Variants in LMO7 observed in about 807,000 individuals in gnomAD.
LMO7 encodes the protein LIM domain only protein 7.
In LMO7, 120 loss-of-function variants were observed where a neutral mutation model predicts 206.5. That is an observed-to-expected ratio of 0.58 (90% CI 0.50 to 0.68). The LOEUF (loss-of-function observed/expected upper bound fraction) is 0.68. LMO7 is among the 30% of genes least tolerant of loss of function. The pLI is 0.00. For synonymous variants in LMO7, 706 were observed against 681.5 expected (o/e 1.04, Z -0.56); for missense variants, 1,959 against 1,957.9 (o/e 1.00, Z -0.01).
intron 6 of LMO7, among the ~76,000 whole-genome samples, chr13:75,797,846 T>TA (rs1312262147): frequency 1.3e-5 from 2 of 152,190 alleles, no homozygotes; most frequent in Non-Finnish European, 2.9e-5. Flanking sequence ...TTGAATAAGT[T>TA]AATTCAGGAA....
chr13:75,803,539 C>T (rs2055051196), intron 7 of LMO7, among the ~76,000 whole-genome samples: 2 of 152,182 alleles, frequency 1.3e-5, no homozygotes, highest in African/African-American at 4.8e-5. Context: ...TAGATTCATT[C>T]TTCTTCTTTT....
In LMO7 at chr13:75,858,289, T is replaced by C. The variant is rs570583409; in HGVS notation, c.*346T>C. The C allele has an allele frequency of 2.0e-3, 457 of 226,692 alleles. 4 individuals are homozygous for C. The highest frequency in any genetic ancestry group is 1.8e-3 in the Non-Finnish European group (214 of 116,812). 14.0% of individuals were successfully genotyped at this position (226,692 alleles called of 1,614,324 possible). ...GTGGTGTTTTGAAGAGGGTATTTTA[T>C]TGTTTTTTAAAAAAAGGTTCTTAAA... is the stretch of plus-strand genomic sequence containing the variant. On this transcript the variant is annotated 3_prime_UTR_variant, in exon 31 of 31. Coordinates refer to ENST00000377534, the MANE Select transcript of LMO7 (RefSeq NM_001306080.2).
At chr13:75,762,718 G>A (rs1207038019) in intron 4 of LMO7, among the ~76,000 whole-genome samples, 1 of 152,160 alleles carries the variant, frequency 6.6e-6, no homozygotes, top group Non-Finnish European at 1.5e-5. Flanking sequence ...ACTTGTTTCA[G>A]TGGAAACCAC....
At chr13:75,697,592 T>G (rs1431206472) in intron 1 of LMO7, among the ~76,000 whole-genome samples, 1 of 152,208 alleles carries the variant, frequency 6.6e-6, no homozygotes, top group Admixed American at 6.5e-5. Flanking sequence ...ACAATGAGAT[T>G]TGGGTGGGGA....
At chr13:75,782,683 C>T (rs976175542) in intron 4 of LMO7, among the ~76,000 whole-genome samples, 3 of 152,210 alleles carry the variant, frequency 2.0e-5, no homozygotes, top group Admixed American at 6.5e-5. Flanking sequence ...CTTCTTGCAG[C>T]TCCAGGGGAG....
intron 4 of LMO7, among the ~76,000 whole-genome samples, chr13:75,775,899 G>C (rs2050306349): frequency 6.6e-6 from 1 of 151,642 alleles, no homozygotes; most frequent in Admixed American, 6.6e-5. Flanking sequence ...ATGGAAAACA[G>C]TGTGGAGATT....
intron 1 of LMO7, among the ~76,000 whole-genome samples, chr13:75,709,136 T>C (rs1409431968): frequency 6.6e-6 from 1 of 152,248 alleles, no homozygotes; most frequent in African/African-American, 2.4e-5. Flanking sequence ...CTCATCATTT[T>C]TTATGGCAGC....
At chr13:75,640,160 A>ACGCTAGC (rs2036385408) in intron 1 of LMO7, among the ~76,000 whole-genome samples, 2 of 152,274 alleles carry the variant, frequency 1.3e-5, no homozygotes, top group African/African-American at 4.8e-5. Flanking sequence ...AGCAATTCTT[A>ACGCTAGC]TGCTAGCTGC....
At chr13:75,683,229 A>C (rs987767559) in intron 1 of LMO7, among the ~76,000 whole-genome samples, 2 of 152,080 alleles carry the variant, frequency 1.3e-5, no homozygotes, top group Non-Finnish European at 2.9e-5. Flanking sequence ...GATGAAATCC[A>C]GTTCATCTCT....
intron 25 of LMO7, among the ~76,000 whole-genome samples, chr13:75,844,713 CTAT>C (rs1263028217): frequency 1.3e-5 from 2 of 152,068 alleles, no homozygotes; most frequent in African/African-American, 2.4e-5. Flanking sequence ...CCAGCCACCA[CTAT>C]TATTTTCAAA....
At chr13:75,765,735 A>T (rs960344679) in intron 4 of LMO7, among the ~76,000 whole-genome samples, 1 of 152,128 alleles carries the variant, frequency 6.6e-6, no homozygotes, top group Non-Finnish European at 1.5e-5. Flanking sequence ...GGCAGGTCTG[A>T]TGCTGGGACA....
intron 3 of LMO7, 133 bp from the exon 4 acceptor site, chr13:75,760,799 G>A: frequency 1.3e-6 from 2 of 1,545,596 alleles, no homozygotes; most frequent in Non-Finnish European, 8.7e-7. Flanking sequence ...ATATACATAT[G>A]CATGGGTCTT....
At chr13:75,648,434 C>T (rs2037251904) in intron 1 of LMO7, among the ~76,000 whole-genome samples, 1 of 152,192 alleles carries the variant, frequency 6.6e-6, no homozygotes, top group African/African-American at 2.4e-5. Context: ...AGATCTGTCT[C>T]ATAGAAAAAT....
At chr13:75,761,232 T>G (rs993099306) in intron 4 of LMO7, among the ~76,000 whole-genome samples, 194 bp downstream of exon 4, 1 of 152,138 alleles carries the variant, frequency 6.6e-6, no homozygotes, top group African/African-American at 2.4e-5. Context: ...TGTTTGTAAC[T>G]CATAACATAG....
intron 15 of LMO7, among the ~76,000 whole-genome samples, chr13:75,825,732 A>C (rs557194005): frequency 6.6e-6 from 1 of 152,254 alleles, no homozygotes; most frequent in African/African-American, 2.4e-5. Flanking sequence ...TTGTCTCAGA[A>C]GGAGCTTACT....
At chr13:75,827,841 G>C (rs1366696177) in intron 15 of LMO7, among the ~76,000 whole-genome samples, 1 of 152,208 alleles carries the variant, frequency 6.6e-6, no homozygotes, top group Non-Finnish European at 1.5e-5. Context: ...CGTGTGGAAG[G>C]AAGGAAGGAA....
At chr13:75,800,142 C>T (rs1307715803) in intron 6 of LMO7, among the ~76,000 whole-genome samples, 2 of 152,184 alleles carry the variant, frequency 1.3e-5, no homozygotes, top group Non-Finnish European at 2.9e-5. Flanking sequence ...TTTGTGCCCA[C>T]TTGCTCCTTT....
At chr13:75,851,148 G>A (rs547789155) in intron 27 of LMO7, among the ~76,000 whole-genome samples, 1 of 152,326 alleles carries the variant, frequency 6.6e-6, no homozygotes, top group East Asian at 1.9e-4. Flanking sequence ...GTCAGTGGGA[G>A]GGGACTACAC....
chr13:75,711,505 A>G (rs7986141), intron 1 of LMO7, among the ~76,000 whole-genome samples: 64,909 of 151,984 alleles, frequency 0.43, 14,258 homozygotes, highest in East Asian at 0.61. Flanking sequence ...CAGAGACTCA[A>G]TGCCGTCTGT....
Sources: allele counts gnomAD v4.1 joint callset (sites outside exome capture counted in the v4.1 genomes callset), GRCh38; gene constraint gnomAD v4.1.1; transcripts MANE v1.5; gene names NCBI Gene and HGNC (gene_info 2026-07-23, HGNC 2026-07-21).